TENM4: variants seen among roughly 807,000 people sequenced by gnomAD.
TENM4 encodes teneurin transmembrane protein 4.
Under a neutral mutation model 243.3 loss-of-function variants are expected in TENM4, and 82 were observed. The observed-to-expected ratio is 0.34, with a 90% CI of 0.28 to 0.40. TENM4 has a LOEUF of 0.40. TENM4 is among the 10% of genes least tolerant of loss of function. The pLI is 1.00. For synonymous variants in TENM4, 1,412 were observed against 1,456.3 expected (o/e 0.97, Z 0.69); for missense variants, 3,138 against 3,673.3 (o/e 0.85, Z 3.77).
At chr11:79,155,062 A>T (rs908284559) in intron 3 of TENM4, among the ~76,000 whole-genome samples, 1 of 152,062 alleles carries the variant, frequency 6.6e-6, no homozygotes, top group African/African-American at 2.4e-5. Flanking sequence ...CCCTGCACTC[A>T]GGGCCCTTTC....
chr11:79,341,100 G>C (rs764938227), intron 1 of TENM4, among the ~76,000 whole-genome samples: 2 of 152,180 alleles, frequency 1.3e-5, no homozygotes, highest in African/African-American at 4.8e-5. Context: ...GAAGTTGACA[G>C]AAGTGAGAAA....
At chr11:79,412,285 C>A (rs182461232) in intron 1 of TENM4, among the ~76,000 whole-genome samples, 46 of 152,346 alleles carry the variant, frequency 3.0e-4, no homozygotes, top group African/African-American at 1.1e-3. Context: ...CCAGGAATGG[C>A]AAAGATGGCC....
At chr11:79,220,229 G>A (rs1200224105) in intron 2 of TENM4, among the ~76,000 whole-genome samples, 3 of 152,188 alleles carry the variant, frequency 2.0e-5, no homozygotes, top group East Asian at 1.9e-4. Flanking sequence ...CCATCAAGAC[G>A]CCTGCTATTA....
chr11:79,246,350 A>C (rs570017432), intron 2 of TENM4, among the ~76,000 whole-genome samples: 1 of 152,360 alleles, frequency 6.6e-6, no homozygotes, highest in Non-Finnish European at 1.5e-5. Flanking sequence ...TGAAAAGACA[A>C]GTCAGCAAAC....
At chr11:78,877,726 G>A (rs1859305686) in intron 9 of TENM4, among the ~76,000 whole-genome samples, 1 of 152,120 alleles carries the variant, frequency 6.6e-6, no homozygotes, top group Admixed American at 6.5e-5. Flanking sequence ...ATGAATATAT[G>A]AGTAAATGTG....
rs1269125879 is a variant in TENM4 at position 78,676,287 on chromosome 11, C to G, written c.5361G>C (p.Leu1787=). ...CCACGGTGGGGTTGACGGTGCCAGC[C>G]AGCAAGTGGGGCTCAGTCTGCAGCG... ...EVALQTEPHL[L]AGTVNPTVGK... is the part of the protein sequence containing the mutation. The change falls in exon 30 of 34, where the codon CTG becomes CTC. Residue 1787 remains leucine (L), a synonymous_variant. Coordinates refer to ENST00000278550, the MANE Select transcript of TENM4 (RefSeq NM_001098816.3). 3 of 1,612,760 alleles carry G rather than the reference C, an allele frequency of 1.9e-6. No homozygotes were observed. In the African/African-American group the frequency reaches 4.0e-5, roughly 22 times the overall value.
intron 4 of TENM4, 115 bp from the exon 5 acceptor site, chr11:79,070,124 G>A: frequency 7.7e-7 from 1 of 1,298,862 alleles, no homozygotes. Context: ...GGCAGTGGAG[G>A]AGAGGGTACC....
chr11:79,328,615 G>A (rs149384251), intron 1 of TENM4, among the ~76,000 whole-genome samples: 36 of 152,246 alleles, frequency 2.4e-4, no homozygotes, highest in Non-Finnish European at 3.2e-4. Flanking sequence ...TGTGGGGACC[G>A]AGGGAGGCGG....
chr11:78,700,494 TAATGGTGAC>T (rs940039455), intron 28 of TENM4, among the ~76,000 whole-genome samples: 1 of 152,154 alleles, frequency 6.6e-6, no homozygotes, highest in Non-Finnish European at 1.5e-5. Context: ...CATGCTTATC[TAATGGTGAC>T]ATATTCAGCA....
In TENM4 at chr11:78,658,252, C is replaced by T. The variant is rs1348853705; in HGVS notation, c.8116G>A (p.Glu2706Lys). 8 of 1,613,604 alleles carry T rather than the reference C, an allele frequency of 5.0e-6. No homozygotes were observed. The highest frequency in any genetic ancestry group is 2.7e-5 in the African/African-American group (2 of 74,934). The change falls in exon 34 of 34, where the codon GAG becomes AAG. Residue 2706 changes from glutamate (E) to lysine (K), a missense_variant. Physicochemically the swap from Glu to Lys is moderately conservative, Grantham distance 56. Coordinates refer to ENST00000278550, the MANE Select transcript of TENM4 (RefSeq NM_001098816.3). ...TCCCCTTCCCGCAGTCTCTGCTGCT[C>T]GCGGGCCCACGCTTGGCGCACGGCT... The part of the protein sequence containing the change: ...QRAVRQAWAR[E>K]QQRLREGEEG...
intron 1 of TENM4, among the ~76,000 whole-genome samples, chr11:79,393,966 A>T (rs1008548922): frequency 6.6e-6 from 1 of 152,156 alleles, no homozygotes; most frequent in Non-Finnish European, 1.5e-5. Context: ...GGAGGGGAGC[A>T]GACGAGAGGG....
intron 6 of TENM4, among the ~76,000 whole-genome samples, chr11:78,992,774 A>G (rs1476958973): frequency 6.6e-6 from 1 of 152,176 alleles, no homozygotes; most frequent in Non-Finnish European, 1.5e-5. Context: ...AATCTCACTT[A>G]CTATCTGCGT....
intron 2 of TENM4, among the ~76,000 whole-genome samples, chr11:79,247,817 G>T (rs182393421): frequency 1.5e-3 from 221 of 152,294 alleles, no homozygotes; most frequent in Admixed American, 3.1e-3. Flanking sequence ...TCAGTTGAAG[G>T]AATTTTCTGG....
At position 79,153,890 on chromosome 11, in the gene TENM4, G is replaced by A. The variant is rs186330295; in HGVS notation, c.-162-5084C>T. Among the ~76,000 whole-genome samples the A allele has an allele frequency of 1.1e-3, 164 of 152,220 alleles. 2 individuals carry two copies. The highest frequency in any genetic ancestry group is 3.6e-3 in the African/African-American group (151 of 41,542). On this transcript the variant is annotated intron_variant, in intron 3 of 33. Coordinates refer to ENST00000278550, the MANE Select transcript of TENM4 (RefSeq NM_001098816.3). Reference sequence around the variant, plus strand: ...CTCGTTCAATTCTTAGTGATCTTAGGTAAGGTAAGTCATCCATTTTGGAAG... The same window carrying A: ...CTCGTTCAATTCTTAGTGATCTTAGATAAGGTAAGTCATCCATTTTGGAAG...
chr11:78,659,132 T>C (rs1024909675), intron 33 of TENM4, among the ~76,000 whole-genome samples: 3 of 152,220 alleles, frequency 2.0e-5, no homozygotes, highest in South Asian at 2.1e-4. Flanking sequence ...GAACTCATCA[T>C]TTAGTTGGGA....
At chr11:79,138,123 A>G (rs900452768) in intron 4 of TENM4, among the ~76,000 whole-genome samples, 3 of 151,076 alleles carry the variant, frequency 2.0e-5, no homozygotes, top group African/African-American at 7.3e-5. Flanking sequence ...AGAAAAATGT[A>G]AAAAGAGAGA....
At chr11:79,083,064 C>A (rs1860715912) in intron 4 of TENM4, among the ~76,000 whole-genome samples, 1 of 152,214 alleles carries the variant, frequency 6.6e-6, no homozygotes, top group Non-Finnish European at 1.5e-5. Flanking sequence ...CCTTGTGCTG[C>A]TCCCATTCCT....
At chr11:78,722,326 TA>T (rs550821841) in intron 24 of TENM4, among the ~76,000 whole-genome samples, 2 of 152,276 alleles carry the variant, frequency 1.3e-5, no homozygotes, top group South Asian at 4.1e-4. Flanking sequence ...CTTGTTTTTA[TA>T]AAAAAGGTTC....
At chr11:78,786,162 C>T (rs574736852) in intron 16 of TENM4, among the ~76,000 whole-genome samples, 1 of 152,190 alleles carries the variant, frequency 6.6e-6, no homozygotes, top group Non-Finnish European at 1.5e-5. Context: ...AGGAAGGGAA[C>T]GAAGTGATCA....
Sources: gnomAD v4.1 joint callset for allele counts (sites outside exome capture counted in the v4.1 genomes callset) on GRCh38, gnomAD v4.1.1 for gene constraint, MANE v1.5 for transcripts, NCBI Gene and HGNC (gene_info 2026-07-23, HGNC 2026-07-21) for gene names.